OSBPL9: variants seen among roughly 807,000 people sequenced by gnomAD.
The protein encoded by OSBPL9 is oxysterol-binding protein-related protein 9.
A neutral mutation model predicts 106.6 loss-of-function variants in OSBPL9; 40 were observed. The observed-to-expected ratio is 0.38, with a 90% CI of 0.29 to 0.49. OSBPL9 has a LOEUF of 0.49. OSBPL9 is among the 20% of genes least tolerant of loss of function. The probability of loss-of-function intolerance (pLI) is 0.97; values close to 1 mark genes in which losing one functional copy is unlikely to be tolerated. For synonymous variants in OSBPL9, 269 were observed against 295.4 expected, an observed-to-expected ratio of 0.91 and a Z score of 0.92; for missense variants, 609 against 887.2, an observed-to-expected ratio of 0.69 and a Z score of 3.98.
rs929097779 is a variant in OSBPL9, at chr1:51,788,764, AAAAT to A, written c.*977_*980del. 6.6e-6 allele frequency among the ~76,000 whole-genome samples: 1 copy of A among 150,926 alleles called. No individual in the cohort carries two copies. Among genetic ancestry groups the A allele is most frequent in the Non-Finnish European group, 1.5e-5 (1 of 67,934 alleles). ...ATAGATCCCCACCCCACAGTGAACA[AAAAT>A]AGATAGATAGATAGAATAAAATGAA... On this transcript the variant is annotated 3_prime_UTR_variant, in exon 24 of 24. Coordinates refer to ENST00000428468, the MANE Select transcript of OSBPL9 (RefSeq NM_024586.6).
intron 12 of OSBPL9, among the ~76,000 whole-genome samples, chr1:51,766,425 C>G (rs1438117982): frequency 6.6e-6 from 1 of 152,126 alleles, no homozygotes; most frequent in Non-Finnish European, 1.5e-5. Context: ...CAGCCAGGCA[C>G]TGTGCTAGGT....
Position 51,789,177 on chromosome 1 carries a change from A to ATGTG in OSBPL9, c.*1389_*1390insGTGT. 6.6e-7 allele frequency: 1 copy of ATGTG among 1,515,590 alleles called. No homozygotes were observed. The allele number at this position is 1,515,590 out of a possible 1,614,324, so 93.9% of individuals were successfully genotyped here. A position where few individuals can be genotyped will look rare whatever the true frequency, so the allele number is the denominator to read the frequency against. On this transcript the variant is annotated 3_prime_UTR_variant, in exon 24 of 24. Coordinates refer to ENST00000428468, the MANE Select transcript of OSBPL9 (RefSeq NM_024586.6). Reference sequence around the variant, plus strand: ...GCAGTAGTATAACTAACTCCATAAAATACAAACAAACACATTTTAAAATAC... The same window carrying ATGTG: ...GCAGTAGTATAACTAACTCCATAAAATGTGTACAAACAAACACATTTTAAAATAC...
intron 2 of OSBPL9, among the ~76,000 whole-genome samples, chr1:51,609,641 A>T (rs1479041431): frequency 6.9e-6 from 1 of 145,064 alleles, no homozygotes. Flanking sequence ...ATGAACCACC[A>T]CTCCTGGCCA....
chr1:51,630,913 C>G (rs1406734446), intron 1 of OSBPL9, among the ~76,000 whole-genome samples: 1 of 151,960 alleles, frequency 6.6e-6, no homozygotes, highest in Non-Finnish European at 1.5e-5. Flanking sequence ...TATAAGTTTT[C>G]TTATTTTATG....
the OSBPL9 span, chr1:51,519,093 A>C: frequency 1.3e-6 from 1 of 752,102 alleles, no homozygotes; most frequent in Admixed American, 4.1e-5. Context: ...CCCACAAGCC[A>C]AGAAGCTGCC....
At chr1:51,530,170 C>CAAAAAAAA in the OSBPL9 span, among the ~76,000 whole-genome samples, 55 of 11,012 alleles carry the variant, frequency 5.0e-3, 8 homozygotes, top group Middle Eastern at 0.12. Context: ...GACTCTGTCT[C>CAAAAAAAA]AAAAAAAAAA....
chr1:51,711,515 ACCCCCC>A (rs1659906280), intron 3 of OSBPL9, among the ~76,000 whole-genome samples: 1 of 30,172 alleles, frequency 3.3e-5, no homozygotes, highest in Non-Finnish European at 6.3e-5. Flanking sequence ...CGGGGGGCTG[ACCCCCC>A]ACCTCCCTCC....
chr1:51,560,317 T>C, the OSBPL9 span, among the ~76,000 whole-genome samples: 7 of 152,356 alleles, frequency 4.6e-5, no homozygotes, highest in Non-Finnish European at 1.0e-4. Context: ...GTTTGAATCG[T>C]GTCTCTACCA....
In OSBPL9 at chr1:51,787,818, G is replaced by A. The variant is rs750304625; in HGVS notation, c.*29G>A. On this transcript the variant is annotated 3_prime_UTR_variant, in exon 24 of 24. Coordinates refer to ENST00000428468, the MANE Select transcript of OSBPL9 (RefSeq NM_024586.6). ...GGAAGATGCAAAGTTTATACCTGAT[G>A]ATCAGGGCAGTAGGCATAATTCAGC... 1 of 1,560,630 alleles carries A rather than the reference G, an allele frequency of 6.4e-7. No homozygotes were observed. The highest frequency in any genetic ancestry group is 2.2e-5 in the East Asian group (1 of 44,578).
chr1:51,547,994 CAAT>C, the OSBPL9 span, among the ~76,000 whole-genome samples: 1 of 151,700 alleles, frequency 6.6e-6, no homozygotes, highest in Non-Finnish European at 1.5e-5. Context: ...GTATATTATA[CAAT>C]AATAATATTA....
At chr1:51,606,943 G>A (rs928579618) in intron 2 of OSBPL9, among the ~76,000 whole-genome samples, 1 of 151,784 alleles carries the variant, frequency 6.6e-6, no homozygotes, top group South Asian at 2.1e-4. Context: ...CCAGCTACTC[G>A]GGAGGCTGAG....
At chr1:51,656,637 C>G (rs757576922) in intron 2 of OSBPL9, among the ~76,000 whole-genome samples, 2 of 150,428 alleles carry the variant, frequency 1.3e-5, no homozygotes, top group Admixed American at 6.6e-5. Flanking sequence ...CTTCTTCCCC[C>G]ACTCCTGCTT....
chr1:51,582,164 AT>A (rs1645224235), intron 1 of OSBPL9, among the ~76,000 whole-genome samples: 1 of 152,210 alleles, frequency 6.6e-6, no homozygotes. Flanking sequence ...AAGAAGAGAA[AT>A]TTAAGGCAAA....
At chr1:51,557,130 C>CA in the OSBPL9 span, among the ~76,000 whole-genome samples, 1 of 151,882 alleles carries the variant, frequency 6.6e-6, no homozygotes, top group African/African-American at 2.4e-5. Flanking sequence ...AAAACAAAAA[C>CA]AAAAAACCCT....
intron 2 of OSBPL9, among the ~76,000 whole-genome samples, chr1:51,666,517 C>T (rs1278899257): frequency 6.6e-6 from 1 of 152,212 alleles, no homozygotes; most frequent in Non-Finnish European, 1.5e-5. Context: ...TTGCTAGTGA[C>T]TATTAAACTG....
intron 2 of OSBPL9, among the ~76,000 whole-genome samples, chr1:51,655,516 A>G (rs1182331171): frequency 2.6e-5 from 4 of 152,158 alleles, no homozygotes; most frequent in Admixed American, 6.5e-5. Flanking sequence ...ACCTCATGTG[A>G]TGACATCGGA....
intron 3 of OSBPL9, chr1:51,709,393 G>T (rs1051533895): frequency 1.5e-5 from 3 of 204,278 alleles, no homozygotes; most frequent in Admixed American, 9.3e-5. Flanking sequence ...GCACAGTTCT[G>T]GAGATATTTT....
intron 4 of OSBPL9, among the ~76,000 whole-genome samples, chr1:51,740,643 G>A (rs1010165506): frequency 6.6e-6 from 1 of 151,994 alleles, no homozygotes; most frequent in Non-Finnish European, 1.5e-5. Flanking sequence ...CTATAAGAAA[G>A]TACTGCATAT....
In OSBPL9 at chr1:51,710,300, CTCT is replaced by C. The variant is rs148514792; in HGVS notation, c.242-3698_242-3696del. Among the ~76,000 whole-genome samples, 105 of 152,242 alleles carry C rather than the reference CTCT, an allele frequency of 6.9e-4. 1 individual carries two copies. In the East Asian group the frequency reaches 0.018, roughly 26 times the overall value. ...TTTCCCATTTGTACTTAAGCACTAG[CTCT>C]TCTTTTGCACAGTGAGTATTTGTAA... On this transcript the variant is annotated intron_variant, in intron 3 of 23. Coordinates refer to ENST00000428468, the MANE Select transcript of OSBPL9 (RefSeq NM_024586.6).
Sources: allele counts gnomAD v4.1 joint callset (sites outside exome capture counted in the v4.1 genomes callset), GRCh38; gene constraint gnomAD v4.1.1; transcripts MANE v1.5; gene names NCBI Gene and HGNC (gene_info 2026-07-23, HGNC 2026-07-21).